MUC5B: variants seen among roughly 807,000 people sequenced by gnomAD.
MUC5B encodes mucin 5B, oligomeric mucus/gel-forming, also known as mucin-5B.
A neutral mutation model predicts 376.9 loss-of-function variants in MUC5B; 116 were observed. The observed-to-expected ratio is 0.31, with a 90% CI of 0.26 to 0.36. The LOEUF is 0.36. Ranked by LOEUF, MUC5B falls within the 10% of genes least tolerant of loss-of-function variation. The pLI is 1.00. For synonymous variants in MUC5B, 3,517 were observed against 3,390.9 expected (o/e 1.04, Z -1.29); for missense variants, 7,165 against 7,769.9 (o/e 0.92, Z 2.93).
Position 1,248,691 on chromosome 11 carries a change from C to A in MUC5B, c.11811C>A (p.Ser3937Arg), listed in dbSNP as rs1409548198. The A allele has an allele frequency of 6.3e-7, 1 of 1,580,482 alleles. No individual in the cohort carries two copies. Among genetic ancestry groups the A allele is most frequent in the Admixed American group, 1.9e-5 (1 of 53,654 alleles). The stretch of plus-strand genomic sequence containing the variant: ...GTTCTATGGCAACACCCTCCTCTAG[C>A]ACACAGACCAGTGGTACTCCCCCAT... ...ATGSMATPSS[S>R]TQTSGTPPSL... is the part of the protein sequence containing the mutation. The change falls in exon 31 of 49, where the codon AGC becomes AGA. Residue 3937 changes from serine to arginine, a missense_variant. Ser to Arg is a moderately radical substitution (Grantham distance 110). Transcript: ENST00000529681.
In MUC5B at chr11:1,234,400, C is replaced by T; in HGVS notation, c.2478+95C>T. 1 of 1,494,918 alleles carries T rather than the reference C, an allele frequency of 6.7e-7. No homozygotes were observed. Among genetic ancestry groups the T allele is most frequent in the Admixed American group, 2.0e-5 (1 of 50,296 alleles). The allele number at this position is 1,494,918 out of a possible 1,614,324, so 92.6% of individuals were successfully genotyped here. A position where few individuals can be genotyped will look rare whatever the true frequency, so the allele number is the denominator to read the frequency against. ...GATCTGGTGGTCCTGGAGACACTTACCCACCTGGAAGCTCCGCCCTGGCCC... is the reference window on the plus strand; with the variant it reads ...GATCTGGTGGTCCTGGAGACACTTATCCACCTGGAAGCTCCGCCCTGGCCC... On this transcript the variant is annotated intron_variant, in intron 20 of 48. Coordinates refer to ENST00000529681, the MANE Select transcript of MUC5B (RefSeq NM_002458.3). This position sits in a 1 kb window ranked among gnomAD's most constrained non-coding sequence, Gnocchi z 6.3.
intron 26 of MUC5B, 93 bp from the exon 27 acceptor site, chr11:1,239,345 A>T (rs1304008190): frequency 7.5e-6 from 11 of 1,475,182 alleles, no homozygotes; most frequent in African/African-American, 1.4e-5. Context: ...GGCTCTGGGG[A>T]CACCGGCCCC....
rs761235552 is a variant in MUC5B, at chr11:1,235,063, G to C, written c.2631-22G>C. ...CGGGAGAGCAGGCCCCTGTGAGCAG[G>C]CACCATTGTGGCCCCTTGCAGCACC... On this transcript the variant is annotated intron_variant, in intron 21 of 48. Coordinates refer to ENST00000529681, the MANE Select transcript of MUC5B (RefSeq NM_002458.3). 5 of 1,601,224 alleles carry C rather than the reference G, an allele frequency of 3.1e-6. No individual in the cohort carries two copies. The African/African-American group carries it at 4.0e-5, about 13-fold the overall frequency.
At chr11:1,260,795 T>C in intron 48 of MUC5B, 67 bp downstream of exon 48, 3 of 1,221,996 alleles carry the variant, frequency 2.5e-6, no homozygotes, top group Non-Finnish European at 3.5e-6. Context: ...GCCCGTCAGC[T>C]GGCTGGCAGC....
At position 1,251,322 on chromosome 11, in the gene MUC5B, G is replaced by A. The variant is rs550828767; in HGVS notation, c.14442G>A (p.Gly4814=). 1.2e-6 allele frequency: 2 copies of A among 1,609,778 alleles called. No individual in the cohort carries two copies. Among genetic ancestry groups the A allele is most frequent in the Admixed American group, 1.7e-5 (1 of 59,866 alleles). ...NSTATPSSTL[G]TTRILTELTT... ...CGGCCACACCCTCCTCCACTCTGGG[G>A]ACGACCCGGATCCTCACTGAGCTGA... Residue 4814 remains glycine, a synonymous_variant, in exon 31 of 49, where the codon GGG becomes GGA. Transcript: ENST00000529681.
chr11:1,254,971 TGGGGGAG>T, intron 35 of MUC5B, 63 bp from the exon 36 acceptor site: 1 of 170,602 alleles, frequency 5.9e-6, no homozygotes, highest in Non-Finnish European at 9.5e-6. Flanking sequence ...GGGGAATGAG[TGGGGGAG>T]GGGGGTGGGG....
At position 1,234,693 on chromosome 11, in the gene MUC5B, T is replaced by A. The variant is rs888424273; in HGVS notation, c.2630+13T>A. The A allele has an allele frequency of 4.2e-5, 59 of 1,413,372 alleles. No individual in the cohort carries two copies. Among genetic ancestry groups the A allele is most frequent in the Non-Finnish European group, 5.4e-5 (58 of 1,065,254 alleles). 87.6% of individuals were successfully genotyped at this position (1,413,372 alleles called of 1,614,324 possible). On this transcript the variant is annotated intron_variant, in intron 21 of 48. Coordinates refer to ENST00000529681, the MANE Select transcript of MUC5B (RefSeq NM_002458.3). The surrounding 1 kb of genome is among the most constrained non-coding windows in gnomAD (Gnocchi z 6.3). ...ACTGCAACACCTGGTGGGTCGTGAG[T>A]CTCTCGGAGGCAGCAGGTGGGGAGG...
Position 1,240,030 on chromosome 11 carries a change from C to G in MUC5B, c.3729-15C>G, listed in dbSNP as rs934403355. On this transcript the variant is annotated splice_polypyrimidine_tract_variant and intron_variant, in intron 28 of 48. Coordinates refer to ENST00000529681, the MANE Select transcript of MUC5B (RefSeq NM_002458.3). ...TGCCCCCCAGGCCCTCAGCTCGCCTCTCCCCCACCCCTAGTAACTGCACAC... is the reference window on the plus strand; with the variant it reads ...TGCCCCCCAGGCCCTCAGCTCGCCTGTCCCCCACCCCTAGTAACTGCACAC... 6.3e-7 allele frequency: 1 copy of G among 1,584,924 alleles called. No homozygotes were observed. Among genetic ancestry groups the G allele is most frequent in the South Asian group, 1.2e-5 (1 of 86,438 alleles).
chr11:1,259,067 A>C lies in MUC5B; in HGVS notation c.16713+6A>C, dbSNP rs563311124. The stretch of plus-strand genomic sequence containing the variant: ...ACAATACTACCTGTCCCCAGGTGAG[A>C]CCCGAGGCACCTGCCCCCAGGTGAG... On this transcript the variant is annotated splice_donor_region_variant and intron_variant, in intron 44 of 48. Coordinates refer to ENST00000529681, the MANE Select transcript of MUC5B (RefSeq NM_002458.3). 1.9e-5 allele frequency: 30 copies of C among 1,544,794 alleles called. No homozygotes were observed. Among genetic ancestry groups the C allele is most frequent in the African/African-American group, 4.1e-5 (3 of 72,508 alleles).
At chr11:1,233,617 A>G (rs1317426132) in intron 18 of MUC5B, among the ~76,000 whole-genome samples, 176 bp from the exon 19 acceptor site, 1 of 151,656 alleles carries the variant, frequency 6.6e-6, no homozygotes, top group Non-Finnish European at 1.5e-5. Flanking sequence ...GTATTTACCC[A>G]TGTGCCTCCA....
chr11:1,237,856 T>G (rs1862191525), intron 25 of MUC5B, among the ~76,000 whole-genome samples: 1 of 151,892 alleles, frequency 6.6e-6, no homozygotes, highest in Non-Finnish European at 1.5e-5. Context: ...GCAAAAAGAG[T>G]GAGACTCTGT....
At position 1,247,284 on chromosome 11, in the gene MUC5B, C is replaced by A. The variant is rs1862512349; in HGVS notation, c.10404C>A (p.Arg3468=). Residue 3468 remains arginine (R), a synonymous_variant, in exon 31 of 49, where the codon CGC becomes CGA. Coordinates refer to ENST00000529681, the MANE Select transcript of MUC5B (RefSeq NM_002458.3). ...CCCCCAGCAGTCCCCACACGGTGCG[C>A]ACAGCCTGGACTTCGGCCACCTCGG... ...SLPPSSPHTV[R]TAWTSATSGI... is the part of the protein sequence containing the mutation. 6.2e-6 allele frequency: 10 copies of A among 1,611,782 alleles called. No homozygotes were observed. The highest frequency in any genetic ancestry group is 8.5e-6 in the Non-Finnish European group (10 of 1,179,566).
At position 1,246,165 on chromosome 11, in the gene MUC5B, C is replaced by A. The variant is rs1420786548; in HGVS notation, c.9285C>A (p.His3095Gln). ...TTPMATMSTI[H>Q]PSSTPETTHT... ...CCATGGCCACCATGTCCACAATCCACCCCTCCTCCACTCCGGAGACCACCC... is the reference window on the plus strand; with the variant it reads ...CCATGGCCACCATGTCCACAATCCAACCCTCCTCCACTCCGGAGACCACCC... The change falls in exon 31 of 49, where the codon CAC becomes CAA. Residue 3095 changes from histidine (H) to glutamine (Q), a missense_variant. Physicochemically the swap from His to Gln is conservative, Grantham distance 24. Coordinates refer to ENST00000529681, the MANE Select transcript of MUC5B (RefSeq NM_002458.3). The A allele has an allele frequency of 5.0e-6, 8 of 1,612,416 alleles. No individual in the cohort carries two copies. The highest frequency in any genetic ancestry group is 4.4e-5 in the South Asian group (4 of 90,996).
Position 1,242,229 on chromosome 11 carries a change from C to G in MUC5B, c.5349C>G (p.Arg1783=). ...TNTTTSQGTT[R]CQPKCEWTEW... is the part of the protein sequence containing the mutation. ...CCACCACCAGCCAGGGCACGACCCG[C>G]TGTCAACCGAAGTGTGAGTGGACAG... Residue 1783 remains arginine, a synonymous_variant, in exon 31 of 49, where the codon CGC becomes CGG. Coordinates refer to ENST00000529681, the MANE Select transcript of MUC5B (RefSeq NM_002458.3). 6.2e-7 allele frequency: 1 copy of G among 1,613,810 alleles called. No homozygotes were observed. The highest frequency in any genetic ancestry group is 8.5e-7 in the Non-Finnish European group (1 of 1,179,888).
intron 2 of MUC5B, 74 bp from the exon 3 acceptor site, chr11:1,226,131 G>A (rs1485603591): frequency 4.9e-6 from 7 of 1,428,514 alleles, no homozygotes; most frequent in Non-Finnish European, 6.6e-6. Context: ...TGGCGAGGAG[G>A]GTGGGCCCCG....
Position 1,241,325 on chromosome 11 carries a change from C to T in MUC5B, c.4445C>T (p.Ser1482Leu), listed in dbSNP as rs769074740. Residue 1482 changes from serine to leucine, a missense_variant, in exon 31 of 49, where the codon TCG (serine) becomes TTG (leucine). Transcript: ENST00000529681. Reference sequence around the variant, plus strand: ...ATCCGGTCGACGGCGGCCCTCACCTCGCAGACTGGGTCCAGCTCAGGCCCC... The same window carrying T: ...ATCCGGTCGACGGCGGCCCTCACCTTGCAGACTGGGTCCAGCTCAGGCCCC... ...PSIRSTAALT[S>L]QTGSSSGPVT... 31 of 1,609,114 alleles carry T rather than the reference C, an allele frequency of 1.9e-5. No individual in the cohort carries two copies. Among genetic ancestry groups the T allele is most frequent in the Non-Finnish European group, 2.5e-5 (30 of 1,177,654 alleles).
Position 1,251,613 on chromosome 11 carries a change from C to A in MUC5B, c.14733C>A (p.Ser4911Arg). 1 of 1,613,034 alleles carries A rather than the reference C, an allele frequency of 6.2e-7. No homozygotes were observed. The change falls in exon 31 of 49, where the codon AGC becomes AGA. Residue 4911 changes from serine (S) to arginine (R), a missense_variant. Coordinates refer to ENST00000529681, the MANE Select transcript of MUC5B (RefSeq NM_002458.3). ...CCCGCACCCCTGCAGTGCTCCCCAG[C>A]AGCCTGCCAACCTTCAGCGTGTCCA... is the stretch of plus-strand genomic sequence containing the variant. Reference protein sequence around the residue: ...GTTRTPAVLPSSLPTFSVSTV... With the variant: ...GTTRTPAVLPRSLPTFSVSTV...
chr11:1,223,313 A>G (rs1861801514), intron 1 of MUC5B, 120 bp downstream of exon 1: 1 of 692,776 alleles, frequency 1.4e-6, no homozygotes, highest in Non-Finnish European at 2.6e-6. Context: ...CGACTCCCTG[A>G]GTGTCCTGGA....
rs2133857558 is a variant in MUC5B, at chr11:1,261,414, C to T, written c.17095C>T (p.Gln5699Ter). The T allele has an allele frequency of 6.4e-7, 1 of 1,552,748 alleles. No individual in the cohort carries two copies. Among genetic ancestry groups the T allele is most frequent in the African/African-American group, 1.4e-5 (1 of 73,380 alleles). Reference protein sequence around the residue: ...SKYSAEAQAMQHQCTCCQERR... With the variant: ...SKYSAEAQAM Reference sequence around the variant, plus strand: ...GTACTCAGCAGAGGCCCAGGCCATGCAGCACCAGTGCACCTGCTGCCAGGA... The same window carrying T: ...GTACTCAGCAGAGGCCCAGGCCATGTAGCACCAGTGCACCTGCTGCCAGGA... The change falls in exon 49 of 49, where the codon CAG becomes TAG. Residue 5699 changes from glutamine (Q) to a stop codon, truncating the protein, a stop_gained. Transcript: ENST00000529681. LOFTEE classifies it low-confidence loss of function (END_TRUNC).
Sources: gnomAD v4.1 joint callset for allele counts (sites outside exome capture counted in the v4.1 genomes callset) on GRCh38, gnomAD v4.1.1 for gene constraint, Gnocchi (gnomAD v3.1) non-coding constraint, MANE v1.5 for transcripts, NCBI Gene and HGNC (gene_info 2026-07-23, HGNC 2026-07-21) for gene names.